The following COL24A1 variants were observed in gnomAD, a reference collection of about 807,000 sequenced individuals.
The protein encoded by COL24A1 is collagen alpha-1(XXIV) chain.
COL24A1 carries 224 observed loss-of-function variants against 253.9 expected under a neutral mutation model. That is an observed-to-expected ratio of 0.88 (90% confidence interval 0.79 to 0.99). COL24A1 has a LOEUF of 0.99. Among genes scored for constraint, COL24A1 ranks in the 50% least tolerant of loss-of-function variants. The pLI is 0.00. For synonymous variants in COL24A1, 685 were observed against 673.7 expected, an observed-to-expected ratio of 1.02 and a Z score of -0.26; for missense variants, 2,131 against 2,068.5, an observed-to-expected ratio of 1.03 and a Z score of -0.59.
rs914262031 is a variant in COL24A1 at position 85,823,456 on chromosome 1, T to C, written c.3789+80A>G. 6 of 1,310,046 alleles carry C rather than the reference T, an allele frequency of 4.6e-6. No individual in the cohort carries two copies. The African/African-American group carries it at 7.3e-5, about 16-fold the overall frequency. The allele number at this position is 1,310,046 out of a possible 1,614,324, so 81.2% of individuals were successfully genotyped here. ...TGATAAATGATAATTTGAATTACAATAAATAGTAACTCCTTGTGCTCCTGC... is the reference window on the plus strand; with the variant it reads ...TGATAAATGATAATTTGAATTACAACAAATAGTAACTCCTTGTGCTCCTGC... On this transcript the variant is annotated intron_variant, in intron 45 of 59. Coordinates refer to ENST00000370571, the MANE Select transcript of COL24A1 (RefSeq NM_152890.7).
chr1:85,935,144 A>G (rs1165715238), intron 24 of COL24A1, among the ~76,000 whole-genome samples: 2 of 152,190 alleles, frequency 1.3e-5, no homozygotes, highest in African/African-American at 4.8e-5. Context: ...ACTGATTTAA[A>G]TTAGAATATT....
intron 14 of COL24A1, among the ~76,000 whole-genome samples, chr1:86,025,826 T>G (rs563643613): frequency 1.3e-5 from 2 of 152,216 alleles, no homozygotes; most frequent in African/African-American, 2.4e-5. Context: ...TTCTGTGTAT[T>G]TGAACACAGC....
chr1:85,870,819 C>CT (rs1680376579), intron 35 of COL24A1, among the ~76,000 whole-genome samples: 2 of 152,040 alleles, frequency 1.3e-5, no homozygotes, highest in African/African-American at 2.4e-5. Flanking sequence ...CATTCAAAAG[C>CT]ACACCGAAGG....
At chr1:85,806,507 T>A (rs1020232062) in intron 47 of COL24A1, among the ~76,000 whole-genome samples, 1 of 152,248 alleles carries the variant, frequency 6.6e-6, no homozygotes, top group East Asian at 1.9e-4. Flanking sequence ...AGCAGCCATA[T>A]GTAAATAAAT....
chr1:85,860,943 C>T (rs1380514485), intron 37 of COL24A1, among the ~76,000 whole-genome samples: 1 of 152,146 alleles, frequency 6.6e-6, no homozygotes, highest in Non-Finnish European at 1.5e-5. Context: ...TACTTTTTCG[C>T]TCTTATAAAT....
chr1:85,828,869 CTT>C (rs1455807082), intron 43 of COL24A1, among the ~76,000 whole-genome samples: 1 of 148,060 alleles, frequency 6.8e-6, no homozygotes, highest in African/African-American at 2.5e-5. Context: ...GGTCTTGACT[CTT>C]TATCCAATTT....
intron 45 of COL24A1, among the ~76,000 whole-genome samples, chr1:85,823,043 C>A (rs1340949056): frequency 6.6e-6 from 1 of 152,154 alleles, no homozygotes; most frequent in Non-Finnish European, 1.5e-5. Flanking sequence ...GGTGTTGAGT[C>A]CAATCTCTCT....
intron 8 of COL24A1, 25 bp downstream of exon 8, chr1:86,063,690 C>G (rs1366743351): frequency 2.0e-6 from 3 of 1,499,504 alleles, no homozygotes; most frequent in Middle Eastern, 1.8e-4. Flanking sequence ...ACACATGATA[C>G]AAGTCTTATA....
At chr1:86,015,065 C>G (rs920825600) in intron 19 of COL24A1, among the ~76,000 whole-genome samples, 1 of 152,132 alleles carries the variant, frequency 6.6e-6, no homozygotes, top group African/African-American at 2.4e-5. Context: ...GGTTTGCTAC[C>G]AAATATACTA....
At chr1:86,060,379 T>C (rs1191540574) in intron 8 of COL24A1, among the ~76,000 whole-genome samples, 2 of 152,098 alleles carry the variant, frequency 1.3e-5, no homozygotes, top group Non-Finnish European at 2.9e-5. Context: ...TTCTTTCCTG[T>C]TTGTTTATAA....
At chr1:85,830,080 G>A (rs996768408) in intron 43 of COL24A1, among the ~76,000 whole-genome samples, 7 of 151,986 alleles carry the variant, frequency 4.6e-5, no homozygotes, top group Admixed American at 3.9e-4. Context: ...TTTGATGATG[G>A]TGATGTACAG....
chr1:85,779,875 G>GA (rs1202718476), intron 52 of COL24A1, among the ~76,000 whole-genome samples: 2 of 151,944 alleles, frequency 1.3e-5, no homozygotes, highest in African/African-American at 2.4e-5. Context: ...TCTCAGAATG[G>GA]AAAAAATTGA....
chr1:86,091,778 A>G (rs1377814235), intron 6 of COL24A1, among the ~76,000 whole-genome samples: 5 of 152,156 alleles, frequency 3.3e-5, no homozygotes, highest in Non-Finnish European at 7.4e-5. Context: ...TGTCCATGTG[A>G]TAAGTCAGTT....
chr1:85,744,272 T>TAAA (rs1664964219), intron 57 of COL24A1, among the ~76,000 whole-genome samples: 1 of 152,096 alleles, frequency 6.6e-6, no homozygotes, highest in East Asian at 1.9e-4. Context: ...AAATTCCATT[T>TAAA]TGTATTAAAA....
At chr1:86,111,760 G>A (rs1705637238) in intron 5 of COL24A1, among the ~76,000 whole-genome samples, 1 of 152,012 alleles carries the variant, frequency 6.6e-6, no homozygotes, top group South Asian at 2.1e-4. Flanking sequence ...TCATTCCCGA[G>A]GCCAGCGAGA....
intron 32 of COL24A1, among the ~76,000 whole-genome samples, chr1:85,880,124 C>A (rs565140822): frequency 6.6e-6 from 1 of 152,170 alleles, no homozygotes; most frequent in African/African-American, 2.4e-5. Context: ...ACTAATATCT[C>A]AACAATATTG....
chr1:86,057,475 A>G (rs977767244), intron 10 of COL24A1, among the ~76,000 whole-genome samples: 5 of 152,192 alleles, frequency 3.3e-5, no homozygotes, highest in African/African-American at 1.2e-4. Context: ...ATTTCCTTTA[A>G]TGGTTTGGGA....
At chr1:86,063,680 A>C (rs377371727) in intron 8 of COL24A1, 35 bp downstream of exon 8, 30 of 1,446,358 alleles carry the variant, frequency 2.1e-5, no homozygotes, top group African/African-American at 5.8e-5. Context: ...TGTCTTTTTC[A>C]CACATGATAC....
At position 86,050,253 on chromosome 1, in the gene COL24A1, T is replaced by C; in HGVS notation, c.1852-76A>G. 3 of 1,276,534 alleles carry C rather than the reference T, an allele frequency of 2.4e-6. No individual in the cohort carries two copies. The East Asian group carries it at 7.3e-5, about 31-fold the overall frequency. The allele number at this position is 1,276,534 out of a possible 1,614,324, so 79.1% of individuals were successfully genotyped here. A position where few individuals can be genotyped will look rare whatever the true frequency, so the allele number is the denominator to read the frequency against. On this transcript the variant is annotated intron_variant, in intron 10 of 59. Transcript: ENST00000370571. The stretch of plus-strand genomic sequence containing the variant: ...ATAAGTGATTCTGAATAGAAGTACT[T>C]AAAATTTTATTTGTAGTAGTACGAA...
Sources: allele counts gnomAD v4.1 joint callset (sites outside exome capture counted in the v4.1 genomes callset), GRCh38; gene constraint gnomAD v4.1.1; transcripts MANE v1.5; gene names NCBI Gene and HGNC (gene_info 2026-07-23, HGNC 2026-07-21).